The following VNN1 variants were observed in gnomAD, a reference collection of about 807,000 sequenced individuals.
VNN1 encodes the protein pantetheinase.
Under a neutral mutation model 41.9 loss-of-function variants are expected in VNN1, and 29 were observed. The ratio of observed to expected loss-of-function variants is 0.69; its 90% CI spans 0.52 to 0.94. The LOEUF is 0.94. Ranked by LOEUF, VNN1 falls within the 40% of genes least tolerant of loss-of-function variation. The pLI, the probability that VNN1 is intolerant of heterozygous loss-of-function variation, is 0.00. For missense variants in VNN1, 637 were observed against 621.1 expected (o/e 1.03, Z -0.27); for synonymous variants, 233 against 224.4 (o/e 1.04, Z -0.34).
chr6:132,688,200 C>T (rs1778232952), intron 5 of VNN1, among the ~76,000 whole-genome samples: 1 of 152,112 alleles, frequency 6.6e-6, no homozygotes, highest in African/African-American at 2.4e-5. Flanking sequence ...GGCACATTGG[C>T]ATTAAGACCT....
Position 132,711,609 on chromosome 6 carries a change from A to T in VNN1, c.341+100T>A, listed in dbSNP as rs1778600303. ...TGAAAAATAAGCTATACTGAAACTTAAGAATTGATCATGGATCTATGCAAT... is the reference window on the plus strand; with the variant it reads ...TGAAAAATAAGCTATACTGAAACTTTAGAATTGATCATGGATCTATGCAAT... On this transcript the variant is annotated intron_variant, in intron 2 of 6. Transcript: ENST00000367928. The T allele has an allele frequency of 3.7e-6, 5 of 1,367,790 alleles. No individual in the cohort carries two copies. In the East Asian group the frequency reaches 1.2e-4, roughly 33 times the overall value. 84.7% of individuals were successfully genotyped at this position (1,367,790 alleles called of 1,614,324 possible).
chr6:132,711,222 A>G (rs544769764), intron 2 of VNN1, among the ~76,000 whole-genome samples: 3 of 152,328 alleles, frequency 2.0e-5, no homozygotes, highest in Admixed American at 1.3e-4. Flanking sequence ...TGCTGCTTTC[A>G]CCACACTTAA....
intron 6 of VNN1, 50 bp from the exon 7 acceptor site, chr6:132,683,372 C>T: frequency 1.3e-6 from 2 of 1,532,236 alleles, no homozygotes; most frequent in Middle Eastern, 1.7e-4. Context: ...TTTTACAATC[C>T]CATAAATCAC....
chr6:132,708,874 T>C (rs1778555555), intron 2 of VNN1, among the ~76,000 whole-genome samples: 2 of 152,188 alleles, frequency 1.3e-5, no homozygotes, highest in South Asian at 2.1e-4. Context: ...TCTCCTCTTC[T>C]GTCACATCAC....
chr6:132,712,027 T>C (rs1432681093), intron 1 of VNN1, among the ~76,000 whole-genome samples, 188 bp from the exon 2 acceptor site: 2 of 152,140 alleles, frequency 1.3e-5, no homozygotes, highest in African/African-American at 4.8e-5. Flanking sequence ...TGTCACTTCT[T>C]TTTCTTTTTC....
chr6:132,691,151 A>G (rs1778278865), intron 5 of VNN1, among the ~76,000 whole-genome samples: 1 of 152,242 alleles, frequency 6.6e-6, no homozygotes, highest in Non-Finnish European at 1.5e-5. Context: ...AAGGGACCAC[A>G]CATCTAGACT....
At chr6:132,697,891 A>T (rs915752357) in intron 2 of VNN1, among the ~76,000 whole-genome samples, 1 of 152,208 alleles carries the variant, frequency 6.6e-6, no homozygotes, top group East Asian at 1.9e-4. Flanking sequence ...ACCACTTGAA[A>T]CATGTTTACC....
chr6:132,687,665 G>A (rs780727610), intron 5 of VNN1, among the ~76,000 whole-genome samples: 9 of 152,092 alleles, frequency 5.9e-5, no homozygotes, highest in Admixed American at 2.6e-4. Flanking sequence ...TGACAGTAAA[G>A]GAAATCTCAA....
intron 2 of VNN1, among the ~76,000 whole-genome samples, chr6:132,707,245 A>G (rs1294431263): frequency 6.7e-6 from 1 of 149,354 alleles, no homozygotes; most frequent in African/African-American, 2.4e-5. Flanking sequence ...AAAAAAGCAA[A>G]TCAAAAGTAC....
At position 132,682,975 on chromosome 6, in the gene VNN1, A is replaced by G. The variant is rs1413517311; in HGVS notation, c.*165T>C. On this transcript the variant is annotated 3_prime_UTR_variant, in exon 7 of 7. Coordinates refer to ENST00000367928, the MANE Select transcript of VNN1 (RefSeq NM_004666.3). ...TTTTAAATAAAATCTACATTAACAG[A>G]TAATTTATTAAGTTTATATTATCTG... 10 of 497,756 alleles carry G rather than the reference A, an allele frequency of 2.0e-5. No individual in the cohort carries two copies. Among genetic ancestry groups the G allele is most frequent in the Non-Finnish European group, 3.2e-5 (10 of 310,438 alleles). 30.8% of individuals were successfully genotyped at this position (497,756 alleles called of 1,614,324 possible). A position where few individuals can be genotyped will look rare whatever the true frequency, so the allele number is the denominator to read the frequency against.
chr6:132,685,323 G>A (rs116830794), intron 5 of VNN1, among the ~76,000 whole-genome samples: 3 of 152,306 alleles, frequency 2.0e-5, no homozygotes, highest in Admixed American at 6.5e-5. Context: ...CATATTCCAA[G>A]TCACCTTCAT....
At chr6:132,691,535 T>C (rs1216531131) in intron 5 of VNN1, among the ~76,000 whole-genome samples, 1 of 152,080 alleles carries the variant, frequency 6.6e-6, no homozygotes, top group Non-Finnish European at 1.5e-5. Flanking sequence ...TGTGAACATA[T>C]AAGGAAAATG....
At chr6:132,693,340 A>G in intron 3 of VNN1, 25 bp from the exon 4 acceptor site, 1 of 1,557,478 alleles carries the variant, frequency 6.4e-7, no homozygotes, top group Non-Finnish European at 8.7e-7. Flanking sequence ...AGATAAAGAG[A>G]AAAAAATTAT....
chr6:132,687,494 G>A (rs1778225600), intron 5 of VNN1, among the ~76,000 whole-genome samples: 1 of 152,204 alleles, frequency 6.6e-6, no homozygotes, highest in Non-Finnish European at 1.5e-5. Flanking sequence ...GAGATTCCAG[G>A]ATGACTCCTA....
intron 3 of VNN1, 84 bp from the exon 4 acceptor site, chr6:132,693,399 A>G (rs1322143308): frequency 5.7e-5 from 75 of 1,320,056 alleles, no homozygotes; most frequent in Non-Finnish European, 7.4e-5. Flanking sequence ...GTACAAGCTC[A>G]CATCTTAGTG....
chr6:132,712,342 G>C (rs903677147), intron 1 of VNN1, among the ~76,000 whole-genome samples: 1 of 151,806 alleles, frequency 6.6e-6, no homozygotes, highest in African/African-American at 2.4e-5. Flanking sequence ...TAGAGATGGG[G>C]TTTCTCCATA....
chr6:132,711,928 C>A, intron 1 of VNN1, 89 bp from the exon 2 acceptor site: 1 of 1,334,072 alleles, frequency 7.5e-7, no homozygotes, highest in Non-Finnish European at 1.0e-6. Context: ...GGGCTTCCCC[C>A]ACACCCCTTA....
At chr6:132,688,229 G>T (rs774348257) in intron 5 of VNN1, among the ~76,000 whole-genome samples, 2 of 151,922 alleles carry the variant, frequency 1.3e-5, no homozygotes, top group Admixed American at 1.3e-4. Flanking sequence ...TTAACATAAG[G>T]CTATAACATT....
chr6:132,699,650 T>C (rs1582774456), intron 2 of VNN1: 1 of 156,882 alleles, frequency 6.4e-6, no homozygotes, highest in Non-Finnish European at 1.4e-5. Flanking sequence ...CATCCAACAA[T>C]TCCTGAAATG....
Sources: gnomAD v4.1 joint callset for allele counts (sites outside exome capture counted in the v4.1 genomes callset) on GRCh38, gnomAD v4.1.1 for gene constraint, MANE v1.5 for transcripts, NCBI Gene and HGNC (gene_info 2026-07-23, HGNC 2026-07-21) for gene names.